NAA35: variants seen among roughly 807,000 people sequenced by gnomAD.
NAA35 encodes the protein MAK10 homolog, amino-acid N-acetyltransferase subunit.
A neutral mutation model predicts 101.7 loss-of-function variants in NAA35; 18 were observed. That is an observed-to-expected ratio of 0.18 (90% CI 0.12 to 0.26). The LOEUF (loss-of-function observed/expected upper bound fraction) is 0.26, where lower values mean the gene tolerates loss of function less well. NAA35 is among the 10% of genes least tolerant of loss of function. NAA35 has a pLI of 1.00. For missense variants in NAA35, 601 were observed against 886.8 expected (o/e 0.68, Z 4.09); for synonymous variants, 267 against 273.1 (o/e 0.98, Z 0.22).
chr9:85,948,603 A>AT (rs1828869072), intron 2 of NAA35, among the ~76,000 whole-genome samples: 1 of 152,154 alleles, frequency 6.6e-6, no homozygotes, highest in African/African-American at 2.4e-5. Context: ...GAGGCTCTTA[A>AT]TATCTGAAAA....
chr9:85,959,983 G>A (rs1829441614), intron 5 of NAA35, 116 bp downstream of exon 5: 1 of 644,896 alleles, frequency 1.6e-6, no homozygotes, highest in Admixed American at 2.9e-5. Flanking sequence ...ACTTGCCCTA[G>A]TAAAGATGTG....
chr9:85,962,119 G>C lies in NAA35; in HGVS notation c.455G>C (p.Gly152Ala). The change falls in exon 6 of 23, where the codon GGA becomes GCA. Residue 152 changes from glycine (G) to alanine (A), a missense_variant. By Grantham distance (60) the Gly-to-Ala change is moderately conservative. This residue lies in a region of NAA35 where 86 missense variants were observed against 169.4 expected (regional missense o/e 0.51). Transcript: ENST00000361671. The part of the protein sequence containing the change: ...EDPAMKAFAL[G>A]ILKICDIARE... The stretch of plus-strand genomic sequence containing the variant: ...CCTGCTATGAAGGCTTTTGCTCTGG[G>C]AATCTTGAAAATCTGTGACATTGCA... The C allele has an allele frequency of 1.2e-6, 2 of 1,614,044 alleles. No individual in the cohort carries two copies. The highest frequency in any genetic ancestry group is 1.7e-6 in the Non-Finnish European group (2 of 1,179,994).
In NAA35 at chr9:86,024,505, G is replaced by A. The variant is rs554368274; in HGVS notation, c.*2545G>A. ...TGCTTGCCTGAGAATGGTTGAAAAG[G>A]GAGGCAGGGAAGCCAGTCACGTGAG... On this transcript the variant is annotated 3_prime_UTR_variant, in exon 23 of 23. Coordinates refer to ENST00000361671, the MANE Select transcript of NAA35 (RefSeq NM_024635.4). 8.5e-4 allele frequency among the ~76,000 whole-genome samples: 129 copies of A among 152,308 alleles called. No homozygotes were observed. Among genetic ancestry groups the A allele is most frequent in the Non-Finnish European group, 1.3e-3 (89 of 68,030 alleles).
chr9:85,944,660 G>GA (rs1828680921), intron 2 of NAA35, among the ~76,000 whole-genome samples: 1 of 152,192 alleles, frequency 6.6e-6, no homozygotes, highest in Non-Finnish European at 1.5e-5. Context: ...AAAGTACCTT[G>GA]ATTCATAGGT....
chr9:85,996,140 A>G (rs1190046781), intron 11 of NAA35, among the ~76,000 whole-genome samples: 3 of 152,136 alleles, frequency 2.0e-5, no homozygotes, highest in East Asian at 1.9e-4. Context: ...TCATTTTGAC[A>G]TAGAAACTCC....
At chr9:86,002,107 T>A (rs184218840) in intron 12 of NAA35, among the ~76,000 whole-genome samples, 1 of 152,348 alleles carries the variant, frequency 6.6e-6, no homozygotes, top group East Asian at 1.9e-4. Flanking sequence ...AAGGATCTTA[T>A]TTCTCCTTCA....
chr9:86,017,443 G>A (rs999296280), intron 18 of NAA35, 55 bp from the exon 19 acceptor site: 3 of 1,524,068 alleles, frequency 2.0e-6, no homozygotes, highest in African/African-American at 1.4e-5. Flanking sequence ...TTGCAGTAAT[G>A]CAAGAGGGAG....
At chr9:86,016,865 C>A (rs1536801) in intron 18 of NAA35, among the ~76,000 whole-genome samples, 190 bp downstream of exon 18, 12,484 of 152,242 alleles carry the variant, frequency 0.082, 1,689 homozygotes, top group African/African-American at 0.28. Context: ...GCTTTCATTT[C>A]TTTGCTGTTC....
rs573969688 is a variant in NAA35, at chr9:85,944,930, C to G, written c.124+2647C>G. 1.8e-4 allele frequency among the ~76,000 whole-genome samples: 28 copies of G among 152,294 alleles called. 1 individual carries two copies. In the South Asian group the frequency reaches 4.6e-3, roughly 25 times the overall value. On this transcript the variant is annotated intron_variant, in intron 2 of 22. Coordinates refer to ENST00000361671, the MANE Select transcript of NAA35 (RefSeq NM_024635.4). ...AAACCACAGGTCGGCAGAATTTAGT[C>G]TCAATGAAATACGACTATAAAGGTC...
intron 6 of NAA35, chr9:85,966,578 C>T (rs1468757287): frequency 5.1e-6 from 6 of 1,174,896 alleles, no homozygotes; most frequent in East Asian, 6.0e-5. Flanking sequence ...TTTAACCTCA[C>T]CCACCTCTTG....
intron 6 of NAA35, 33 bp from the exon 7 acceptor site, chr9:85,974,934 A>G (rs774458177): frequency 6.6e-7 from 1 of 1,519,320 alleles, no homozygotes; most frequent in Non-Finnish European, 9.0e-7. Flanking sequence ...GTTTTTTGCT[A>G]TTCATGAGCC....
At chr9:85,981,262 A>T (rs972854659) in intron 11 of NAA35, among the ~76,000 whole-genome samples, 3 of 152,168 alleles carry the variant, frequency 2.0e-5, no homozygotes, top group Admixed American at 6.5e-5. Flanking sequence ...GTTTACAGAG[A>T]GGGATAAAAT....
Position 86,024,429 on chromosome 9 carries a change from A to G in NAA35, c.*2469A>G, listed in dbSNP as rs1480400253. Among the ~76,000 whole-genome samples, 1 of 152,200 alleles carries G rather than the reference A, an allele frequency of 6.6e-6. No homozygotes were observed. The highest frequency in any genetic ancestry group is 6.5e-5 in the Admixed American group (1 of 15,288). The stretch of plus-strand genomic sequence containing the variant: ...TTTTGGACTTTATTCTGATATTGGT[A>G]GATTCTACTGAAGGCTTGTATGCAG... On this transcript the variant is annotated 3_prime_UTR_variant, in exon 23 of 23. Transcript: ENST00000361671.
chr9:85,956,422 A>C, intron 3 of NAA35, 29 bp downstream of exon 3: 1 of 1,309,458 alleles, frequency 7.6e-7, no homozygotes, highest in South Asian at 1.6e-5. Context: ...AAAATAGTGT[A>C]GTGTAATGTT....
intron 2 of NAA35, among the ~76,000 whole-genome samples, chr9:85,948,225 A>G (rs1020679269): frequency 1.3e-5 from 2 of 152,204 alleles, no homozygotes; most frequent in Non-Finnish European, 2.9e-5. Context: ...GCCAAGGAGT[A>G]AAACCATTAC....
At chr9:85,969,270 C>CAAAAAAAAAA (rs61275261) in intron 6 of NAA35, among the ~76,000 whole-genome samples, 2 of 105,636 alleles carry the variant, frequency 1.9e-5, no homozygotes, top group Non-Finnish European at 2.2e-5. Context: ...CCTGGTATGT[C>CAAAAAAAAAA]AAAAAAAAAA....
intron 11 of NAA35, among the ~76,000 whole-genome samples, chr9:85,981,783 G>A (rs1006516844): frequency 3.3e-5 from 5 of 152,088 alleles, no homozygotes; most frequent in Admixed American, 3.3e-4. Flanking sequence ...ATCATAAGCT[G>A]TACGATTCTA....
intron 4 of NAA35, 71 bp from the exon 5 acceptor site, chr9:85,959,722 T>C (rs912972800): frequency 3.1e-6 from 3 of 953,890 alleles, no homozygotes; most frequent in Admixed American, 2.4e-5. Flanking sequence ...AAATCCAAAA[T>C]GCTACTATAC....
chr9:85,962,490 C>CAAAAAAAAAAAA (rs781302881), intron 6 of NAA35, among the ~76,000 whole-genome samples: 5 of 85,926 alleles, frequency 5.8e-5, no homozygotes, highest in Admixed American at 2.9e-4. Flanking sequence ...GACTCTGTCT[C>CAAAAAAAAAAAA]AAAAAAAAAA....
Sources: allele counts gnomAD v4.1 joint callset (sites outside exome capture counted in the v4.1 genomes callset), GRCh38; gene constraint gnomAD v4.1.1; regional missense constraint gnomAD v4.1.1; transcripts MANE v1.5; gene names NCBI Gene and HGNC (gene_info 2026-07-23, HGNC 2026-07-21).